DGKI: variants seen among roughly 807,000 people sequenced by gnomAD.
The protein encoded by DGKI is DAG kinase iota.
Under a neutral mutation model 147.5 loss-of-function variants are expected in DGKI, and 55 were observed. The ratio of observed to expected loss-of-function variants is 0.37; its 90% CI spans 0.30 to 0.47. The LOEUF is 0.47. Among genes scored for constraint, DGKI ranks in the 20% least tolerant of loss-of-function variants. DGKI has a pLI of 1.00. For missense variants in DGKI, 1,007 were observed against 1,323.8 expected, an observed-to-expected ratio of 0.76 and a Z score of 3.71; for synonymous variants, 469 against 477.1, an observed-to-expected ratio of 0.98 and a Z score of 0.22.
In DGKI at chr7:137,527,721, G is replaced by A. The variant is rs1257605423; in HGVS notation, c.2148-5755C>T. ...AGGCATTTGCTACTCATATAGAGTT[G>A]TTTTTCTTTTATGAGACAGAAAAGC... On this transcript the variant is annotated intron_variant, in intron 20 of 32. Transcript: ENST00000614521. Among the ~76,000 whole-genome samples the A allele has an allele frequency of 2.0e-5, 3 of 152,018 alleles. No individual in the cohort carries two copies. In the East Asian group the frequency reaches 5.8e-4, roughly 29 times the overall value.
chr7:137,845,195 T>C (rs1007417597), intron 1 of DGKI, among the ~76,000 whole-genome samples: 2 of 152,170 alleles, frequency 1.3e-5, no homozygotes, highest in Non-Finnish European at 2.9e-5. Context: ...GAAGGCGTTT[T>C]AGGAGTCATC....
intron 19 of DGKI, among the ~76,000 whole-genome samples, chr7:137,553,634 G>C (rs1020700979): frequency 1.3e-5 from 2 of 151,898 alleles, no homozygotes; most frequent in African/African-American, 4.8e-5. Context: ...AACATACATA[G>C]AGCACACAAA....
intron 1 of DGKI, among the ~76,000 whole-genome samples, chr7:137,736,849 C>T (rs2116689205): frequency 6.6e-6 from 1 of 152,148 alleles, no homozygotes; most frequent in South Asian, 2.1e-4. Context: ...TTAAATTAAT[C>T]AGAGGTCATA....
chr7:137,527,093 TAAATGGTC>T (rs1430292246), intron 20 of DGKI, among the ~76,000 whole-genome samples: 1 of 152,196 alleles, frequency 6.6e-6, no homozygotes, highest in Non-Finnish European at 1.5e-5. Context: ...AGTTCCAATC[TAAATGGTC>T]AGAACGCTAA....
At chr7:137,712,158 A>T (rs553355807) in intron 1 of DGKI, among the ~76,000 whole-genome samples, 2 of 152,320 alleles carry the variant, frequency 1.3e-5, no homozygotes, top group South Asian at 4.1e-4. Context: ...TAAGTGAAAA[A>T]TTTAAGCTTA....
At chr7:137,432,886 T>C (rs1813134672) in intron 28 of DGKI, among the ~76,000 whole-genome samples, 1 of 152,258 alleles carries the variant, frequency 6.6e-6, no homozygotes, top group Non-Finnish European at 1.5e-5. Flanking sequence ...CCCATACTCT[T>C]GTGGCTCTGA....
At chr7:137,831,343 AC>A (rs1798215015) in intron 1 of DGKI, among the ~76,000 whole-genome samples, 1 of 152,214 alleles carries the variant, frequency 6.6e-6, no homozygotes, top group Non-Finnish European at 1.5e-5. Flanking sequence ...GATAAAACAT[AC>A]CCAGGACTGG....
At chr7:137,413,464 C>T (rs747399942) in intron 28 of DGKI, among the ~76,000 whole-genome samples, 2 of 152,008 alleles carry the variant, frequency 1.3e-5, no homozygotes, top group Admixed American at 6.6e-5. Context: ...TTCCCAGTGT[C>T]TATTGTTCCC....
chr7:137,718,889 G>A (rs528976651), intron 1 of DGKI, among the ~76,000 whole-genome samples: 2 of 152,220 alleles, frequency 1.3e-5, no homozygotes, highest in African/African-American at 2.4e-5. Context: ...TGTGATCACT[G>A]CAAAAAAGGA....
intron 1 of DGKI, among the ~76,000 whole-genome samples, chr7:137,759,701 C>A (rs13221354): frequency 0.38 from 56,973 of 151,684 alleles, 11,132 homozygotes; most frequent in African/African-American, 0.51. Context: ...GGCAATAGAA[C>A]AAGGGAAAAA....
At chr7:137,618,151 A>ATATATATATATATTTTT in intron 8 of DGKI, among the ~76,000 whole-genome samples, 2 of 10,464 alleles carry the variant, frequency 1.9e-4, no homozygotes, top group African/African-American at 2.5e-4. Context: ...ATATATATAT[A>ATATATATATATATTTTT]TTTTTTTTTT....
At chr7:137,559,626 G>A (rs2128970283) in intron 19 of DGKI, among the ~76,000 whole-genome samples, 1 of 151,854 alleles carries the variant, frequency 6.6e-6, no homozygotes, top group Middle Eastern at 3.4e-3. Context: ...ACTCTCATTG[G>A]GATTACTTGT....
intron 2 of DGKI, among the ~76,000 whole-genome samples, chr7:137,684,985 AT>A (rs1823368561): frequency 6.6e-6 from 1 of 152,142 alleles, no homozygotes; most frequent in Non-Finnish European, 1.5e-5. Flanking sequence ...CTGGCTTTTC[AT>A]TCAAGGTTTC....
intron 21 of DGKI, among the ~76,000 whole-genome samples, chr7:137,514,801 C>T (rs1816697878): frequency 6.6e-6 from 1 of 152,184 alleles, no homozygotes; most frequent in Non-Finnish European, 1.5e-5. Context: ...TTGCCTGTCA[C>T]CTGGAGTATC....
chr7:137,596,001 C>CAAAAAAAAAAA (rs71177914), intron 12 of DGKI, among the ~76,000 whole-genome samples: 50 of 44,364 alleles, frequency 1.1e-3, no homozygotes, highest in African/African-American at 1.7e-3. Flanking sequence ...GACTCCGTCT[C>CAAAAAAAAAAA]AAAAAAAAAA....
intron 1 of DGKI, among the ~76,000 whole-genome samples, chr7:137,705,015 G>C (rs577094560): frequency 1.3e-5 from 2 of 152,212 alleles, no homozygotes; most frequent in South Asian, 4.1e-4. Context: ...AGAAAAAAAT[G>C]CTCAATACTT....
chr7:137,733,587 C>T (rs1794943664), intron 1 of DGKI, among the ~76,000 whole-genome samples: 1 of 152,056 alleles, frequency 6.6e-6, no homozygotes, highest in African/African-American at 2.4e-5. Flanking sequence ...ATCAGCTATA[C>T]ATCAGGTACT....
At chr7:137,690,038 A>ACAAAG (rs1563151926) in intron 1 of DGKI, 36 bp from the exon 2 acceptor site, 24 of 1,532,464 alleles carry the variant, frequency 1.6e-5, no homozygotes, top group Non-Finnish European at 1.9e-5. Flanking sequence ...AAAAACAAAG[A>ACAAAG]AAAACCAACA....
chr7:137,495,029 T>A (rs559077188), intron 21 of DGKI, among the ~76,000 whole-genome samples: 2 of 151,602 alleles, frequency 1.3e-5, no homozygotes, highest in Admixed American at 1.3e-4. Context: ...CTTTAAACCA[T>A]CACAGATCAA....
Sources: gnomAD v4.1 joint callset for allele counts (sites outside exome capture counted in the v4.1 genomes callset) on GRCh38, gnomAD v4.1.1 for gene constraint, MANE v1.5 for transcripts, NCBI Gene and HGNC (gene_info 2026-07-23, HGNC 2026-07-21) for gene names.